TXNRD2: variants seen among roughly 807,000 people sequenced by gnomAD.
The protein encoded by TXNRD2 is thioredoxin reductase 2, mitochondrial.
TXNRD2 carries 67 observed loss-of-function variants against 70.8 expected under a neutral mutation model. The observed-to-expected ratio is 0.95, with a 90% CI of 0.78 to 1.16. TXNRD2 has a LOEUF of 1.16. TXNRD2 is among the 50% of genes most tolerant of loss of function. TXNRD2 has a pLI of 0.00. For missense variants in TXNRD2, 644 were observed against 719.9 expected (o/e 0.89, Z 1.21); for synonymous variants, 301 against 295.8 (o/e 1.02, Z -0.18).
At chr22:19,939,902 A>G (rs983325698) in intron 1 of TXNRD2, among the ~76,000 whole-genome samples, 2 of 152,184 alleles carry the variant, frequency 1.3e-5, no homozygotes, top group African/African-American at 2.4e-5. Context: ...GGGCCCATCT[A>G]AAACTTCAAT....
chr22:19,897,700 G>C (rs1939570984), intron 10 of TXNRD2, among the ~76,000 whole-genome samples: 1 of 152,178 alleles, frequency 6.6e-6, no homozygotes, highest in African/African-American at 2.4e-5. Flanking sequence ...TCTCTGAGGT[G>C]GGGCTAACAC....
chr22:19,889,547 G>T (rs1386710960), intron 11 of TXNRD2, among the ~76,000 whole-genome samples: 1 of 152,174 alleles, frequency 6.6e-6, no homozygotes, highest in African/African-American at 2.4e-5. Context: ...GGAGGTGGAG[G>T]TTGCGGTGAG....
intron 7 of TXNRD2, among the ~76,000 whole-genome samples, chr22:19,911,958 G>A (rs981272721): frequency 6.6e-6 from 1 of 152,136 alleles, no homozygotes; most frequent in South Asian, 2.1e-4. Flanking sequence ...CGCGGCAGGG[G>A]TGGCCTACAA....
chr22:19,885,329 C>T (rs531093630), intron 11 of TXNRD2, among the ~76,000 whole-genome samples: 19 of 152,332 alleles, frequency 1.2e-4, no homozygotes, highest in East Asian at 5.8e-4. Context: ...AGCTGCTGGC[C>T]GGTATGCGGG....
At chr22:19,883,936 C>T (rs967372398) in intron 11 of TXNRD2, 3 of 143,842 alleles carry the variant, frequency 2.1e-5, no homozygotes, top group African/African-American at 8.8e-5. Flanking sequence ...AAGAGCAAAA[C>T]TCTGTCTCAA....
Position 19,889,055 on chromosome 22 carries a change from T to C in TXNRD2, c.950-5594A>G, listed in dbSNP as rs143635111. 8.2e-3 allele frequency among the ~76,000 whole-genome samples: 1,240 copies of C among 152,068 alleles called. 10 individuals are homozygous for C. Among genetic ancestry groups the C allele is most frequent in the African/African-American group, 0.028 (1,144 of 41,490 alleles). Reference sequence around the variant, plus strand: ...GCCCCTGGGCCTCAATGGGACCTGATTGGCCACTTGCTGTGACTGCCAGCA... The same window carrying C: ...GCCCCTGGGCCTCAATGGGACCTGACTGGCCACTTGCTGTGACTGCCAGCA... On this transcript the variant is annotated intron_variant, in intron 11 of 17. Coordinates refer to ENST00000400521, the MANE Select transcript of TXNRD2 (RefSeq NM_006440.5).
intron 3 of TXNRD2, among the ~76,000 whole-genome samples, chr22:19,919,273 A>G (rs13057265): frequency 0.1 from 4,596 of 45,408 alleles, 146 homozygotes; most frequent in African/African-American, 0.12. Context: ...ATAGCTCACT[A>G]TAGCCTCGAA....
intron 14 of TXNRD2, 49 bp downstream of exon 14, chr22:19,880,130 A>G (rs951374581): frequency 5.0e-6 from 8 of 1,584,920 alleles, no homozygotes; most frequent in Non-Finnish European, 6.9e-6. Flanking sequence ...GCATGGGGTG[A>G]GGTCGTGGAG....
chr22:19,931,550 C>G (rs1283441047), intron 1 of TXNRD2, among the ~76,000 whole-genome samples: 1 of 152,122 alleles, frequency 6.6e-6, no homozygotes, highest in Non-Finnish European at 1.5e-5. Context: ...GCCCCCACGA[C>G]AGGGGCACAG....
Position 19,880,736 on chromosome 22 carries a change from G to A in TXNRD2, c.1087-19C>T. ...GCCGCCCCTTGGGGAAGGCACAGGGGGGCCACGTCAGCACCATGTCCGGGG... is the reference window on the plus strand; with the variant it reads ...GCCGCCCCTTGGGGAAGGCACAGGGAGGCCACGTCAGCACCATGTCCGGGG... On this transcript the variant is annotated intron_variant, in intron 12 of 17. Coordinates refer to ENST00000400521, the MANE Select transcript of TXNRD2 (RefSeq NM_006440.5). 1 of 1,591,204 alleles carries A rather than the reference G, an allele frequency of 6.3e-7. No individual in the cohort carries two copies. Among genetic ancestry groups the A allele is most frequent in the Non-Finnish European group, 8.6e-7 (1 of 1,160,882 alleles).
intron 11 of TXNRD2, chr22:19,884,577 C>T (rs916150160): frequency 1.3e-5 from 2 of 152,168 alleles, no homozygotes; most frequent in Non-Finnish European, 2.9e-5. Flanking sequence ...CAGCCTGATA[C>T]CATTAGGCAG....
At chr22:19,933,959 A>T (rs1941454558) in intron 1 of TXNRD2, among the ~76,000 whole-genome samples, 1 of 152,092 alleles carries the variant, frequency 6.6e-6, no homozygotes, top group Non-Finnish European at 1.5e-5. Context: ...CTTTGAACCC[A>T]CTGCCTGGTA....
intron 2 of TXNRD2, among the ~76,000 whole-genome samples, chr22:19,925,080 CG>C (rs1169010301): frequency 3.3e-5 from 5 of 150,916 alleles, no homozygotes; most frequent in African/African-American, 4.9e-5. Context: ...GTCAGGAGAT[CG>C]AGACCATCCT....
In TXNRD2 at chr22:19,877,064, G is replaced by A; in HGVS notation, c.*41C>T. 6.4e-7 allele frequency: 1 copy of A among 1,571,650 alleles called. No individual in the cohort carries two copies. The highest frequency in any genetic ancestry group is 8.7e-7 in the Non-Finnish European group (1 of 1,149,218). ...CCTGGGTCTGGCCTCCGAGGAGCTG[G>A]CGGCGGGCGCACCGTGTGCCCTGGC... On this transcript the variant is annotated 3_prime_UTR_variant, in exon 17 of 18. Transcript: ENST00000400521.
intron 11 of TXNRD2, 111 bp downstream of exon 11, chr22:19,895,296 T>A: frequency 6.3e-7 from 1 of 1,596,586 alleles, no homozygotes; most frequent in Non-Finnish European, 8.5e-7. Flanking sequence ...CCAACCCGCC[T>A]GGCAGCCAGC....
At position 19,880,250 on chromosome 22, in the gene TXNRD2, G is replaced by A. The variant is rs772070143; in HGVS notation, c.1204C>T (p.Pro402Ser). 1.2e-6 allele frequency: 2 copies of A among 1,613,666 alleles called. No individual in the cohort carries two copies. Among genetic ancestry groups the A allele is most frequent in the South Asian group, 1.1e-5 (1 of 91,086 alleles). ...AGCCCCACACAGCCATACTCCAGCG[G>A]GGTGAAGACGGTCGTGGGAACCTGA... ...YDNVPTTVFT[P>S]LEYGCVGLSE... is the part of the protein sequence containing the mutation. The change falls in exon 14 of 18, where the codon CCG becomes TCG. Residue 402 changes from proline (P) to serine (S), a missense_variant. By Grantham distance (74) the Pro-to-Ser change is moderately conservative. Coordinates refer to ENST00000400521, the MANE Select transcript of TXNRD2 (RefSeq NM_006440.5).
Position 19,880,249 on chromosome 22 carries a change from G to C in TXNRD2, c.1205C>G (p.Pro402Arg). Residue 402 changes from proline (P) to arginine (R), a missense_variant, in exon 14 of 18, where the codon CCG becomes CGG. Pro to Arg is a moderately radical substitution (Grantham distance 103). Transcript: ENST00000400521. ...CAGCCCCACACAGCCATACTCCAGC[G>C]GGGTGAAGACGGTCGTGGGAACCTG... is the stretch of plus-strand genomic sequence containing the variant. The part of the protein sequence containing the change: ...YDNVPTTVFT[P>R]LEYGCVGLSE... The C allele has an allele frequency of 3.7e-6, 6 of 1,613,646 alleles. No homozygotes were observed. The highest frequency in any genetic ancestry group is 5.1e-6 in the Non-Finnish European group (6 of 1,179,964).
chr22:19,877,123 C>T lies in TXNRD2; in HGVS notation c.1557G>A (p.Val519=). The T allele has an allele frequency of 3.7e-6, 6 of 1,600,908 alleles. No individual in the cohort carries two copies. The highest frequency in any genetic ancestry group is 5.1e-6 in the Non-Finnish European group (6 of 1,169,980). ...ATGGCGCTTACCCTCAGCAGCCTGT[C>T]ACCGTGGGGTCCAGGCCTGAGCGCT... The part of the protein sequence containing the change: ...ISKRSGLDPT[V]TGCUG Residue 519 remains valine, a synonymous_variant, in exon 17 of 18, where the codon GTG becomes GTA. Coordinates refer to ENST00000400521, the MANE Select transcript of TXNRD2 (RefSeq NM_006440.5).
chr22:19,901,409 T>C (rs1939772264), intron 8 of TXNRD2, among the ~76,000 whole-genome samples: 1 of 152,122 alleles, frequency 6.6e-6, no homozygotes, highest in Non-Finnish European at 1.5e-5. Flanking sequence ...TATTCCCGAG[T>C]GGGCATCCTT....
Sources: gnomAD v4.1 joint callset for allele counts (sites outside exome capture counted in the v4.1 genomes callset) on GRCh38, gnomAD v4.1.1 for gene constraint, MANE v1.5 for transcripts, NCBI Gene and HGNC (gene_info 2026-07-23, HGNC 2026-07-21) for gene names.